Variants in PAK5 observed in about 807,000 individuals in gnomAD.
The protein encoded by PAK5 is serine/threonine-protein kinase PAK 5.
Under a neutral mutation model 65.9 loss-of-function variants are expected in PAK5, and 16 were observed. The ratio of observed to expected loss-of-function variants is 0.24; its 90% CI spans 0.16 to 0.37. PAK5 has a LOEUF of 0.37. Among genes scored for constraint, PAK5 ranks in the 10% least tolerant of loss-of-function variants. The probability of loss-of-function intolerance (pLI) is 1.00; values close to 1 mark genes in which losing one functional copy is unlikely to be tolerated. For synonymous variants in PAK5, 371 were observed against 354.9 expected (o/e 1.05, Z -0.51); for missense variants, 785 against 903.9 (o/e 0.87, Z 1.69).
intron 3 of PAK5, among the ~76,000 whole-genome samples, chr20:9,639,049 G>C (rs2047017430): frequency 6.6e-6 from 1 of 152,092 alleles, no homozygotes; most frequent in African/African-American, 2.4e-5. Context: ...CTTTAAACAT[G>C]CATGACTATA....
At chr20:9,551,785 T>C (rs920515089) in intron 7 of PAK5, among the ~76,000 whole-genome samples, 2 of 152,200 alleles carry the variant, frequency 1.3e-5, no homozygotes, top group Non-Finnish European at 2.9e-5. Context: ...GGGTACCACG[T>C]AGCCTGAGTG....
At chr20:9,628,034 T>C (rs1232342090) in intron 3 of PAK5, among the ~76,000 whole-genome samples, 1 of 152,226 alleles carries the variant, frequency 6.6e-6, no homozygotes, top group Admixed American at 6.5e-5. Context: ...GACATACATG[T>C]ATAATTTTTG....
rs140705134 is a variant in PAK5, at chr20:9,711,864, T to C, written c.-161-429A>G. ...TATGAAGTCACCACAAACACTAAATTAGCAAATACCAAAGCACTGTTACTA... is the reference window on the plus strand; with the variant it reads ...TATGAAGTCACCACAAACACTAAATCAGCAAATACCAAAGCACTGTTACTA... On this transcript the variant is annotated intron_variant, in intron 1 of 9. Transcript: ENST00000353224. Among the ~76,000 whole-genome samples, 47 of 152,304 alleles carry C rather than the reference T, an allele frequency of 3.1e-4. No homozygotes were observed. In the East Asian group the frequency reaches 8.5e-3, roughly 27 times the overall value.
intron 1 of PAK5, among the ~76,000 whole-genome samples, chr20:9,792,275 C>T (rs1419543407): frequency 6.6e-6 from 1 of 152,110 alleles, no homozygotes; most frequent in East Asian, 1.9e-4. Flanking sequence ...TAAAGAAAAA[C>T]AGAAGCAGAA....
chr20:9,699,764 G>A (rs2223567), intron 2 of PAK5, among the ~76,000 whole-genome samples: 49,170 of 151,696 alleles, frequency 0.32, 8,465 homozygotes, highest in African/African-American at 0.44. Flanking sequence ...GTGAAATATC[G>A]TGTCACATGG....
intron 1 of PAK5, among the ~76,000 whole-genome samples, chr20:9,796,667 T>C (rs1278206142): frequency 6.6e-6 from 1 of 152,070 alleles, no homozygotes; most frequent in African/African-American, 2.4e-5. Context: ...GGAAAGTTGT[T>C]GGGGTTATCA....
At chr20:9,623,379 A>G (rs1296847114) in intron 3 of PAK5, among the ~76,000 whole-genome samples, 1 of 152,212 alleles carries the variant, frequency 6.6e-6, no homozygotes, top group Non-Finnish European at 1.5e-5. Context: ...GAAAAGCAAC[A>G]TGATCAAATC....
intron 2 of PAK5, among the ~76,000 whole-genome samples, chr20:9,646,507 A>C (rs2047136680): frequency 6.6e-6 from 1 of 152,242 alleles, no homozygotes; most frequent in South Asian, 2.1e-4. Flanking sequence ...CAAGTAGGTC[A>C]ATAAATACAA....
intron 2 of PAK5, among the ~76,000 whole-genome samples, chr20:9,673,438 G>A (rs1252252935): frequency 2.0e-5 from 3 of 152,152 alleles, no homozygotes; most frequent in African/African-American, 7.2e-5. Context: ...TTTGAGCACT[G>A]GAAATGTGGC....
intron 1 of PAK5, among the ~76,000 whole-genome samples, chr20:9,780,624 A>G (rs2048931458): frequency 6.6e-6 from 1 of 152,042 alleles, no homozygotes; most frequent in Non-Finnish European, 1.5e-5. Context: ...AAATATATAT[A>G]TAAATACATA....
At chr20:9,549,728 G>C (rs956782550) in intron 7 of PAK5, among the ~76,000 whole-genome samples, 2 of 152,132 alleles carry the variant, frequency 1.3e-5, no homozygotes, top group Non-Finnish European at 2.9e-5. Flanking sequence ...ACAGGTCATA[G>C]GTAAATACCT....
chr20:9,824,988 C>T lies in PAK5; in HGVS notation c.-162+13774G>A, dbSNP rs117430875. Among the ~76,000 whole-genome samples, 598 of 152,246 alleles carry T rather than the reference C, an allele frequency of 3.9e-3. 24 individuals carry two copies. The East Asian group carries it at 0.094, about 24-fold the overall frequency. ...GAATGTTCATTGTAACATCTGTTTC[C>T]TATTTTTTAATCTAGTCTTTACAGG... On this transcript the variant is annotated intron_variant, in intron 1 of 9. Coordinates refer to ENST00000353224, the MANE Select transcript of PAK5 (RefSeq NM_177990.4).
chr20:9,661,402 T>C (rs2047344824), intron 2 of PAK5, among the ~76,000 whole-genome samples: 1 of 152,060 alleles, frequency 6.6e-6, no homozygotes, highest in South Asian at 2.1e-4. Flanking sequence ...CCCACCAAGG[T>C]GAACAATTGT....
At chr20:9,553,115 A>C (rs967481725) in intron 7 of PAK5, among the ~76,000 whole-genome samples, 20 of 152,296 alleles carry the variant, frequency 1.3e-4, no homozygotes, top group African/African-American at 4.8e-4. Flanking sequence ...ACACGGCTAC[A>C]GTACAATATC....
At chr20:9,559,976 C>T (rs1163458461) in intron 6 of PAK5, among the ~76,000 whole-genome samples, 1 of 152,164 alleles carries the variant, frequency 6.6e-6, no homozygotes, top group Non-Finnish European at 1.5e-5. Context: ...GCAGCAGGGA[C>T]AAGCTCACAT....
chr20:9,796,519 G>A (rs1470985935), intron 1 of PAK5, among the ~76,000 whole-genome samples: 1 of 152,140 alleles, frequency 6.6e-6, no homozygotes. Context: ...AATAGATCTT[G>A]TAAGATGCTA....
chr20:9,615,742 C>T (rs1453340801), intron 3 of PAK5, among the ~76,000 whole-genome samples: 5 of 152,168 alleles, frequency 3.3e-5, no homozygotes, highest in African/African-American at 7.2e-5. Flanking sequence ...GGGCAGTTGT[C>T]GATCACTGTA....
chr20:9,589,476 T>C (rs2046128529), intron 3 of PAK5, among the ~76,000 whole-genome samples: 1 of 152,202 alleles, frequency 6.6e-6, no homozygotes, highest in South Asian at 2.1e-4. Flanking sequence ...TACATATACC[T>C]TTTATTTGGT....
At chr20:9,641,076 T>C (rs941044485) in intron 3 of PAK5, among the ~76,000 whole-genome samples, 8 of 152,152 alleles carry the variant, frequency 5.3e-5, no homozygotes, top group African/African-American at 1.7e-4. Flanking sequence ...GTCAGGGTGC[T>C]GATTGGTGCG....
Sources: allele counts gnomAD v4.1 joint callset (sites outside exome capture counted in the v4.1 genomes callset), GRCh38; gene constraint gnomAD v4.1.1; transcripts MANE v1.5; gene names NCBI Gene and HGNC (gene_info 2026-07-23, HGNC 2026-07-21).